The following MAD1L1 variants were observed in gnomAD, a reference collection of about 807,000 sequenced individuals.
MAD1L1 encodes the protein mitotic spindle assembly checkpoint protein MAD1.
Under a neutral mutation model 96.9 loss-of-function variants are expected in MAD1L1, and 95 were observed. The observed-to-expected ratio is 0.98, with a 90% CI of 0.83 to 1.16. The LOEUF (loss-of-function observed/expected upper bound fraction) is 1.16. Among genes scored for constraint, MAD1L1 ranks in the 50% most tolerant of loss-of-function variants. The probability of loss-of-function intolerance (pLI) is 0.00; values close to 1 mark genes in which losing one functional copy is unlikely to be tolerated. For missense variants in MAD1L1, 1,007 were observed against 954.4 expected (o/e 1.06, Z -0.73); for synonymous variants, 473 against 396.6 (o/e 1.19, Z -2.29).
At chr7:2,140,500 G>A (rs1408689081) in intron 11 of MAD1L1, among the ~76,000 whole-genome samples, 1 of 152,250 alleles carries the variant, frequency 6.6e-6, no homozygotes, top group African/African-American at 2.4e-5. Flanking sequence ...AGTGACCAGG[G>A]AGAAGGGAGA....
intron 14 of MAD1L1, among the ~76,000 whole-genome samples, chr7:1,999,471 GC>G (rs1353235968): frequency 6.6e-6 from 1 of 152,124 alleles, no homozygotes; most frequent in African/African-American, 2.4e-5. Flanking sequence ...GACTGTGTCT[GC>G]TGGGAAGCAC....
At chr7:1,854,872 G>T (rs567326457) in intron 18 of MAD1L1, among the ~76,000 whole-genome samples, 1 of 152,354 alleles carries the variant, frequency 6.6e-6, no homozygotes, top group African/African-American at 2.4e-5. Flanking sequence ...GAGGGAGGGT[G>T]CCAGGCCCCA....
Position 2,222,745 on chromosome 7 carries a change from C to A in MAD1L1, c.301G>T (p.Asp101Tyr). The change falls in exon 5 of 19, where the codon GAC becomes TAC. Residue 101 changes from aspartate to tyrosine, a missense_variant. Asp to Tyr is a radical substitution (Grantham distance 160, BLOSUM62 -3). Coordinates refer to ENST00000265854, the MANE Select transcript of MAD1L1 (RefSeq NM_001013836.2). ...CGCGTCAGGAGCTCCTGGTTGCGGT[C>A]GACCTCACGCTGTTAAGAGAGCAAG... ...TSARNYEREV[D>Y]RNQELLTRIR... is the part of the protein sequence containing the mutation. The A allele has an allele frequency of 6.3e-7, 1 of 1,599,348 alleles. No homozygotes were observed. The highest frequency in any genetic ancestry group is 1.1e-5 in the South Asian group (1 of 90,202).
At chr7:2,010,004 C>T (rs1782219564) in intron 13 of MAD1L1, among the ~76,000 whole-genome samples, 1 of 152,018 alleles carries the variant, frequency 6.6e-6, no homozygotes, top group Non-Finnish European at 1.5e-5. Flanking sequence ...CTCCCACAGC[C>T]CAGACTCCAG....
At chr7:2,039,875 A>C (rs1783601406) in intron 12 of MAD1L1, among the ~76,000 whole-genome samples, 1 of 152,132 alleles carries the variant, frequency 6.6e-6, no homozygotes, top group Admixed American at 6.5e-5. Context: ...ATGGAGTCCA[A>C]CTTCAGTTGA....
intron 12 of MAD1L1, among the ~76,000 whole-genome samples, chr7:2,018,310 T>C (rs1268829160): frequency 6.6e-6 from 1 of 152,226 alleles, no homozygotes; most frequent in Non-Finnish European, 1.5e-5. Flanking sequence ...GAAGTTCAAA[T>C]GCAGCATGGC....
At chr7:2,193,617 C>G (rs1223290472) in intron 10 of MAD1L1, 1 of 152,304 alleles carries the variant, frequency 6.6e-6, no homozygotes, top group African/African-American at 2.4e-5. Context: ...CTTCTCAACC[C>G]TGGGAGCAAA....
intron 18 of MAD1L1, among the ~76,000 whole-genome samples, chr7:1,887,445 CTGTG>C (rs1325732297): frequency 8.3e-6 from 1 of 120,998 alleles, no homozygotes; most frequent in African/African-American, 3.2e-5. Flanking sequence ...GTGGCTGCCT[CTGTG>C]TGTGCGTGCA....
intron 17 of MAD1L1, among the ~76,000 whole-genome samples, chr7:1,935,120 G>A (rs1166533802): frequency 1.3e-5 from 2 of 152,264 alleles, no homozygotes; most frequent in African/African-American, 4.8e-5. Context: ...GTGACAGCAG[G>A]GGATGGAAGG....
chr7:2,202,900 C>G (rs1471051247), intron 10 of MAD1L1, among the ~76,000 whole-genome samples: 1 of 152,208 alleles, frequency 6.6e-6, no homozygotes, highest in African/African-American at 2.4e-5. Flanking sequence ...TGTCATCTGA[C>G]CAGTCTACAA....
intron 11 of MAD1L1, among the ~76,000 whole-genome samples, chr7:2,094,938 T>C (rs1487698503): frequency 1.3e-5 from 2 of 152,190 alleles, no homozygotes; most frequent in Admixed American, 1.3e-4. Flanking sequence ...ATGGATAATT[T>C]GTGCAGCTCT....
intron 14 of MAD1L1, among the ~76,000 whole-genome samples, chr7:2,000,630 G>A (rs943597866): frequency 4.6e-5 from 7 of 152,160 alleles, no homozygotes; most frequent in African/African-American, 1.2e-4. Flanking sequence ...CGCCACCACC[G>A]GAAGTTCTGT....
chr7:2,033,717 C>T (rs1201084166), intron 12 of MAD1L1, among the ~76,000 whole-genome samples: 2 of 152,238 alleles, frequency 1.3e-5, no homozygotes, highest in African/African-American at 4.8e-5. Flanking sequence ...GCTACACCTG[C>T]TGGGACAGCA....
At chr7:1,975,398 G>A (rs1379013135) in intron 15 of MAD1L1, among the ~76,000 whole-genome samples, 1 of 152,186 alleles carries the variant, frequency 6.6e-6, no homozygotes, top group African/African-American at 2.4e-5. Context: ...TCCACGGTGG[G>A]CAGCAGGAGC....
At chr7:2,048,006 TACATGCGCACACAAGTACAC>T (rs1268618656) in intron 12 of MAD1L1, among the ~76,000 whole-genome samples, 15 of 152,210 alleles carry the variant, frequency 9.9e-5, no homozygotes, top group Non-Finnish European at 1.3e-4. Flanking sequence ...CAGCACAACA[TACATGCGCACACAAGTACAC>T]ACGTATGGAC....
intron 11 of MAD1L1, chr7:2,079,803 T>C (rs1326210240): frequency 2.1e-6 from 1 of 469,078 alleles, no homozygotes; most frequent in African/African-American, 2.0e-5. Context: ...TGCTGGAGAT[T>C]AGGAAATGAG....
At chr7:1,881,405 T>C (rs1189515758) in intron 18 of MAD1L1, among the ~76,000 whole-genome samples, 1 of 152,198 alleles carries the variant, frequency 6.6e-6, no homozygotes, top group Non-Finnish European at 1.5e-5. Flanking sequence ...AATTAATTAA[T>C]TTTATCCAAA....
chr7:2,085,121 A>G (rs374767290), intron 11 of MAD1L1, among the ~76,000 whole-genome samples: 2 of 152,294 alleles, frequency 1.3e-5, no homozygotes, highest in East Asian at 3.9e-4. Flanking sequence ...CAGTGACTAC[A>G]CTGTTCGTTA....
intron 16 of MAD1L1, among the ~76,000 whole-genome samples, chr7:1,944,396 G>A (rs1254147644): frequency 1.3e-5 from 2 of 152,216 alleles, no homozygotes; most frequent in African/African-American, 2.4e-5. Context: ...TGTTAGAAAT[G>A]GCGGGCCGGG....
Sources: allele counts gnomAD v4.1 joint callset (sites outside exome capture counted in the v4.1 genomes callset), GRCh38; gene constraint gnomAD v4.1.1; transcripts MANE v1.5; gene names NCBI Gene and HGNC (gene_info 2026-07-23, HGNC 2026-07-21).